Variants in POLA1 observed in about 807,000 individuals in gnomAD.
The protein encoded by POLA1 is DNA polymerase alpha 1, catalytic subunit, also known as DNA polymerase alpha catalytic subunit.
A neutral mutation model predicts 124.0 loss-of-function variants in POLA1; 15 were observed. That is an observed-to-expected ratio of 0.12 (90% confidence interval 0.08 to 0.19). The LOEUF (loss-of-function observed/expected upper bound fraction) is 0.19, where lower values mean the gene tolerates loss of function less well. POLA1 is among the 10% of genes least tolerant of loss of function. The pLI is 1.00. For synonymous variants in POLA1, 408 were observed against 389.4 expected (o/e 1.05, Z -0.56); for missense variants, 886 against 1,103.4 (o/e 0.80, Z 2.79).
chrX:24,880,359 GA>G (rs1423097210), intron 34 of POLA1, among the ~76,000 whole-genome samples: 1 of 112,059 alleles, frequency 8.9e-6, no homozygotes, highest in Non-Finnish European at 1.9e-5. Context: ...ATTGACCGAT[GA>G]GGCACTTTCT....
chrX:24,806,749 G>A (rs972960500), intron 26 of POLA1, among the ~76,000 whole-genome samples: 1 of 111,995 alleles, frequency 8.9e-6, no homozygotes, highest in African/African-American at 3.2e-5. Context: ...TCTTGTTACT[G>A]GCAGATTTGT....
chrX:24,962,421 C>T, intron 36 of POLA1, among the ~76,000 whole-genome samples: 1 of 112,063 alleles, frequency 8.9e-6, no homozygotes, highest in South Asian at 3.7e-4. Context: ...CTTTTGATTA[C>T]AGAACAGCTT....
intron 8 of POLA1, 145 bp from the exon 9 acceptor site, chrX:24,717,145 A>G (rs1929894506): frequency 1.8e-6 from 1 of 560,213 alleles, no homozygotes; most frequent in Admixed American, 3.8e-5. Flanking sequence ...CAATTTGGAG[A>G]TTAAAGAGAA....
rs187805148 is a variant in POLA1 at position 24,726,137 on chromosome X, A to G, written c.1392+82A>G. 28 of 599,905 alleles carry G rather than the reference A, an allele frequency of 4.7e-5. No individual in the cohort carries two copies. In the East Asian group the frequency reaches 9.4e-4, roughly 20 times the overall value. The allele number at this position is 599,905 out of a possible 1,213,427, so 49.4% of individuals were successfully genotyped here. A position where few individuals can be genotyped will look rare whatever the true frequency, so the allele number is the denominator to read the frequency against. On this transcript the variant is annotated intron_variant, in intron 13 of 36. Coordinates refer to ENST00000379068, the MANE Select transcript of POLA1 (RefSeq NM_001330360.2). ...TTGAACTTTCAACTGACTTTCAGTT[A>G]CGAGTATTGGCAGGGCTTCTCAAGC...
intron 18 of POLA1, among the ~76,000 whole-genome samples, chrX:24,737,208 A>G (rs945702696): frequency 1.7e-4 from 19 of 112,193 alleles, no homozygotes; most frequent in African/African-American, 6.2e-4. Context: ...GAAGTCTTAC[A>G]TAAACTGTCA....
At chrX:24,931,889 T>C in intron 36 of POLA1, among the ~76,000 whole-genome samples, 1 of 112,179 alleles carries the variant, frequency 8.9e-6, no homozygotes, top group Non-Finnish European at 1.9e-5. Flanking sequence ...TATTAGAACC[T>C]GTTCCTCTAT....
intron 4 of POLA1, among the ~76,000 whole-genome samples, chrX:24,709,352 A>G (rs1336089719): frequency 1.3e-5 from 1 of 78,710 alleles, no homozygotes; most frequent in Admixed American, 1.3e-4. Flanking sequence ...TGACCCCCCC[A>G]CCTCCCTCCC....
intron 34 of POLA1, among the ~76,000 whole-genome samples, chrX:24,866,021 G>C: frequency 9.0e-6 from 1 of 111,517 alleles, no homozygotes; most frequent in South Asian, 3.8e-4. Context: ...CAACTTCCAC[G>C]CATATTGATA....
Position 24,821,589 on chromosome X carries a change from C to G in POLA1, c.3561+6C>G, listed in dbSNP as rs754950855. On this transcript the variant is annotated splice_donor_region_variant and intron_variant, in intron 31 of 36. Coordinates refer to ENST00000379068, the MANE Select transcript of POLA1 (RefSeq NM_001330360.2). ...TGTCATATGTCATCTGTCAGGTAAA[C>G]TATTGACATTCGTAAGACTCTGACA... The G allele has an allele frequency of 4.2e-6, 5 of 1,184,665 alleles. No individual in the cohort carries two copies. The highest frequency in any genetic ancestry group is 6.0e-5 in the East Asian group (2 of 33,514).
chrX:24,945,140 T>C (rs1487577326), intron 36 of POLA1, among the ~76,000 whole-genome samples: 1 of 112,476 alleles, frequency 8.9e-6, no homozygotes, highest in Non-Finnish European at 1.9e-5. Flanking sequence ...CAGGATGACA[T>C]GGAAATAGGC....
chrX:24,812,979 ATTATTC>A, intron 29 of POLA1, 116 bp downstream of exon 29: 1 of 379,791 alleles, frequency 2.6e-6, no homozygotes, highest in Non-Finnish European at 4.6e-6. Context: ...TGTTATTTTT[ATTATTC>A]TTATTAATAA....
At chrX:24,761,827 C>G (rs1357688209) in intron 26 of POLA1, among the ~76,000 whole-genome samples, 1 of 112,035 alleles carries the variant, frequency 8.9e-6, no homozygotes, top group Non-Finnish European at 1.9e-5. Context: ...GAAATGGAGA[C>G]AAATGACATT....
chrX:24,953,964 C>A, intron 36 of POLA1, among the ~76,000 whole-genome samples: 1 of 111,760 alleles, frequency 8.9e-6, no homozygotes, highest in Admixed American at 9.5e-5. Context: ...TCCTAAAGAC[C>A]TCTAGTATGA....
intron 35 of POLA1, among the ~76,000 whole-genome samples, chrX:24,901,362 A>ATCTT (rs2047275573): frequency 9.0e-6 from 1 of 111,414 alleles, no homozygotes; most frequent in South Asian, 3.8e-4. Flanking sequence ...AACAGCTAGT[A>ATCTT]TAAAGGGCCT....
chrX:24,705,046 T>C (rs11573315), intron 4 of POLA1, among the ~76,000 whole-genome samples: 6,893 of 111,040 alleles, frequency 0.062, 525 homozygotes, highest in African/African-American at 0.22. Context: ...GTTAATTAGT[T>C]TTCTACTACT....
At chrX:24,940,143 A>G (rs1383872701) in intron 36 of POLA1, among the ~76,000 whole-genome samples, 1 of 111,936 alleles carries the variant, frequency 8.9e-6, no homozygotes, top group East Asian at 2.8e-4. Context: ...TAAGCGCACA[A>G]ACATGTAACA....
chrX:24,736,451 A>C (rs1341877130), intron 18 of POLA1, among the ~76,000 whole-genome samples: 1 of 111,277 alleles, frequency 9.0e-6, no homozygotes, highest in Non-Finnish European at 1.9e-5. Flanking sequence ...AGTTTCTTGG[A>C]CCCCAAGGAG....
intron 32 of POLA1, among the ~76,000 whole-genome samples, chrX:24,838,665 C>T (rs1415631642): frequency 8.9e-6 from 1 of 112,548 alleles, no homozygotes; most frequent in Non-Finnish European, 1.9e-5. Context: ...ATTAATTATA[C>T]GGTGTAGATG....
rs2047322432 is a variant in POLA1, at chrX:24,904,042, C to T, written c.4164+15920C>T. Among the ~76,000 whole-genome samples, 4 of 107,691 alleles carry T rather than the reference C, an allele frequency of 3.7e-5. No homozygotes were observed. The South Asian group carries it at 1.7e-3, about 45-fold the overall frequency. The allele number at this position is 107,691 out of a possible 115,157, so 93.5% of individuals were successfully genotyped here. Reference sequence around the variant, plus strand: ...CTCAATCTCCTGGGCTCCAGTGTTCCTCTTGCCTCAGCCTCCCAAGTAGCT... The same window carrying T: ...CTCAATCTCCTGGGCTCCAGTGTTCTTCTTGCCTCAGCCTCCCAAGTAGCT... On this transcript the variant is annotated intron_variant, in intron 35 of 36. Transcript: ENST00000379068.
Sources: gnomAD v4.1 joint callset for allele counts (sites outside exome capture counted in the v4.1 genomes callset) on GRCh38, gnomAD v4.1.1 for gene constraint, MANE v1.5 for transcripts, NCBI Gene and HGNC (gene_info 2026-07-23, HGNC 2026-07-21) for gene names.